Variants in PGM1 observed in about 807,000 individuals in gnomAD.
PGM1 encodes the protein phosphoglucomutase 1, also known as phosphoglucomutase-1.
A neutral mutation model predicts 55.6 loss-of-function variants in PGM1; 52 were observed. That is an observed-to-expected ratio of 0.94 (90% CI 0.75 to 1.18). The LOEUF (loss-of-function observed/expected upper bound fraction) is 1.18, where lower values mean the gene tolerates loss of function less well. Ranked by LOEUF, PGM1 falls within the 50% of genes most tolerant of loss-of-function variation. The probability of loss-of-function intolerance (pLI) is 0.00; values close to 1 mark genes in which losing one functional copy is unlikely to be tolerated. For synonymous variants in PGM1, 287 were observed against 271.7 expected, an observed-to-expected ratio of 1.06 and a Z score of -0.55; for missense variants, 724 against 729.3, an observed-to-expected ratio of 0.99 and a Z score of 0.08.
chr1:63,640,125 T>TG (rs1407238752), intron 7 of PGM1, among the ~76,000 whole-genome samples: 1 of 152,166 alleles, frequency 6.6e-6, no homozygotes, highest in African/African-American at 2.4e-5. Flanking sequence ...GCCTATGAGG[T>TG]GGTCTTCTCC....
intron 1 of PGM1, among the ~76,000 whole-genome samples, chr1:63,608,624 C>G (rs1648489120): frequency 6.6e-6 from 1 of 152,198 alleles, no homozygotes; most frequent in Non-Finnish European, 1.5e-5. Flanking sequence ...AAAATGCATT[C>G]TGTGGAACAA....
At chr1:63,624,806 G>A (rs1345801621) in intron 1 of PGM1, among the ~76,000 whole-genome samples, 4 of 152,106 alleles carry the variant, frequency 2.6e-5, no homozygotes, top group Admixed American at 1.3e-4. Flanking sequence ...CAAAATTAAA[G>A]CAAAACAAAA....
intron 1 of PGM1, among the ~76,000 whole-genome samples, chr1:63,624,775 G>A (rs1648977086): frequency 1.3e-5 from 2 of 152,160 alleles, no homozygotes; most frequent in Admixed American, 1.3e-4. Flanking sequence ...AAAATATGCT[G>A]AGCAGGTATG....
chr1:63,657,172 C>CT (rs1649991462), intron 10 of PGM1, among the ~76,000 whole-genome samples: 1 of 152,088 alleles, frequency 6.6e-6, no homozygotes, highest in Non-Finnish European at 1.5e-5. Context: ...TCCACAAAGG[C>CT]TTTTTTCTTT....
chr1:63,636,757 A>G (rs1422907374), intron 6 of PGM1, among the ~76,000 whole-genome samples: 1 of 152,218 alleles, frequency 6.6e-6, no homozygotes, highest in Non-Finnish European at 1.5e-5. Flanking sequence ...ACACACACAC[A>G]TACACGTATA....
At chr1:63,628,033 G>T (rs1649085306) in intron 1 of PGM1, among the ~76,000 whole-genome samples, 1 of 152,272 alleles carries the variant, frequency 6.6e-6, no homozygotes, top group Admixed American at 6.5e-5. Context: ...CTGGATGGAG[G>T]CAAGAATGAA....
intron 6 of PGM1, among the ~76,000 whole-genome samples, chr1:63,638,449 T>C (rs1649419467): frequency 6.6e-6 from 1 of 152,222 alleles, no homozygotes; most frequent in Non-Finnish European, 1.5e-5. Context: ...TTCTAAAATA[T>C]TAAACTCCAT....
intron 1 of PGM1, among the ~76,000 whole-genome samples, chr1:63,613,195 A>C (rs983425433): frequency 2.7e-5 from 4 of 150,656 alleles, no homozygotes; most frequent in Non-Finnish European, 5.9e-5. Context: ...AGGGTAGAGG[A>C]ATAGTCTACC....
intron 1 of PGM1, among the ~76,000 whole-genome samples, chr1:63,626,088 G>T (rs981897666): frequency 6.6e-6 from 1 of 152,182 alleles, no homozygotes; most frequent in Non-Finnish European, 1.5e-5. Flanking sequence ...TGGTGGGGAG[G>T]CGTGAGTTTT....
intron 1 of PGM1, among the ~76,000 whole-genome samples, chr1:63,610,207 C>G (rs1648529441): frequency 6.6e-6 from 1 of 152,078 alleles, no homozygotes; most frequent in Non-Finnish European, 1.5e-5. Flanking sequence ...TTTGTGAATT[C>G]TAAGGTGCCA....
Position 63,593,524 on chromosome 1 carries a change from C to G in PGM1, c.36C>G (p.Tyr12Ter). Reference protein sequence around the residue: ...VKIVTVKTQAYQDQKPGTSGL... With the variant: ...VKIVTVKTQA ...TCGTGACAGTTAAGACCCAGGCGTACCAGGACCAGAAGCCGGGCACGAGCG... is the reference window on the plus strand; with the variant it reads ...TCGTGACAGTTAAGACCCAGGCGTAGCAGGACCAGAAGCCGGGCACGAGCG... The change falls in exon 1 of 11, where the codon TAC (tyrosine) becomes TAG (stop). Residue 12 changes from tyrosine to a stop codon, truncating the protein, a stop_gained. Coordinates refer to ENST00000371084, the MANE Select transcript of PGM1 (RefSeq NM_002633.3). LOFTEE classifies it high-confidence loss of function. 1 of 1,613,880 alleles carries G rather than the reference C, an allele frequency of 6.2e-7. No homozygotes were observed. Among genetic ancestry groups the G allele is most frequent in the Non-Finnish European group, 8.5e-7 (1 of 1,179,930 alleles).
chr1:63,645,475 A>G (rs544526239), intron 7 of PGM1, among the ~76,000 whole-genome samples: 18 of 152,306 alleles, frequency 1.2e-4, no homozygotes, highest in Middle Eastern at 3.4e-3. Context: ...TGAATTCCCA[A>G]TATATTAGGG....
intron 8 of PGM1, among the ~76,000 whole-genome samples, chr1:63,651,082 A>T (rs1269705999): frequency 6.6e-6 from 1 of 152,122 alleles, no homozygotes; most frequent in Non-Finnish European, 1.5e-5. Context: ...TAATGAAAAA[A>T]AAAAAGGCAT....
intron 4 of PGM1, among the ~76,000 whole-genome samples, chr1:63,633,650 T>A (rs1649256674): frequency 6.6e-6 from 1 of 151,676 alleles, no homozygotes; most frequent in South Asian, 2.1e-4. Flanking sequence ...CTGTTGTTTG[T>A]TTTTGGTGGT....
chr1:63,635,066 A>T, intron 5 of PGM1, 47 bp downstream of exon 5: 3 of 1,519,926 alleles, frequency 2.0e-6, no homozygotes, highest in Non-Finnish European at 2.7e-6. Flanking sequence ...GCCAGGCCTG[A>T]TCCTGCAGAT....
chr1:63,633,064 C>G lies in PGM1; in HGVS notation c.682+1282C>G, dbSNP rs544018541. Reference sequence around the variant, plus strand: ...CCTAAAAAACTAACTCCTGCCAGGCCAACAAAATGAGAGTTGGAATTTCAA... The same window carrying G: ...CCTAAAAAACTAACTCCTGCCAGGCGAACAAAATGAGAGTTGGAATTTCAA... On this transcript the variant is annotated intron_variant, in intron 4 of 10. Transcript: ENST00000371084. 6.2e-4 allele frequency among the ~76,000 whole-genome samples: 94 copies of G among 152,134 alleles called. 3 individuals are homozygous for G. The South Asian group carries it at 0.018, about 30-fold the overall frequency.
At chr1:63,596,638 T>C (rs998342305) in intron 1 of PGM1, among the ~76,000 whole-genome samples, 2 of 152,194 alleles carry the variant, frequency 1.3e-5, no homozygotes, top group African/African-American at 4.8e-5. Context: ...TATGCTACTC[T>C]TTCTCTTGTG....
At chr1:63,618,773 C>T (rs546372144) in intron 1 of PGM1, among the ~76,000 whole-genome samples, 4 of 152,294 alleles carry the variant, frequency 2.6e-5, no homozygotes, top group South Asian at 2.1e-4. Context: ...AGAATACCAG[C>T]GCCAAAAGGG....
intron 7 of PGM1, among the ~76,000 whole-genome samples, chr1:63,641,369 C>A (rs12069310): frequency 1.2e-4 from 19 of 152,158 alleles, no homozygotes. Context: ...AGCCATAGAT[C>A]GCTGTTGTGA....
Sources: allele counts gnomAD v4.1 joint callset (sites outside exome capture counted in the v4.1 genomes callset), GRCh38; gene constraint gnomAD v4.1.1; transcripts MANE v1.5; gene names NCBI Gene and HGNC (gene_info 2026-07-23, HGNC 2026-07-21).